Variants in TRPM2 observed in about 807,000 individuals in gnomAD.
TRPM2 encodes estrogen-responsive element-associated gene 1 protein.
Under a neutral mutation model 174.0 loss-of-function variants are expected in TRPM2, and 161 were observed. The observed-to-expected ratio is 0.93, with a 90% CI of 0.81 to 1.05. The LOEUF (loss-of-function observed/expected upper bound fraction) is 1.05. Among genes scored for constraint, TRPM2 ranks in the 50% least tolerant of loss-of-function variants. The probability of loss-of-function intolerance (pLI) is 0.00; values close to 1 mark genes in which losing one functional copy is unlikely to be tolerated. For missense variants in TRPM2, 2,057 were observed against 2,038.0 expected, an observed-to-expected ratio of 1.01 and a Z score of -0.18; for synonymous variants, 954 against 861.3, an observed-to-expected ratio of 1.11 and a Z score of -1.88.
chr21:44,437,932 C>T lies in TRPM2; in HGVS notation c.4167+765C>T, dbSNP rs547536455. Among the ~76,000 whole-genome samples the T allele has an allele frequency of 1.5e-4, 23 of 152,372 alleles. No individual in the cohort carries two copies. In the South Asian group the frequency reaches 4.8e-3, roughly 32 times the overall value. ...GTACAGCCTGCCCCGCAGGGCCTCT[C>T]CTCTGCACCTGATCCGGGGAGTCTG... On this transcript the variant is annotated intron_variant, in intron 29 of 31. Coordinates refer to ENST00000397928, the MANE Select transcript of TRPM2 (RefSeq NM_003307.4).
intron 9 of TRPM2, among the ~76,000 whole-genome samples, chr21:44,388,016 A>G (rs946950100): frequency 6.6e-6 from 1 of 152,166 alleles, no homozygotes; most frequent in Admixed American, 6.5e-5. Flanking sequence ...TACAATTCCT[A>G]TATGATCCAG....
chr21:44,429,656 T>C (rs547599331), intron 27 of TRPM2, among the ~76,000 whole-genome samples: 5 of 152,322 alleles, frequency 3.3e-5, no homozygotes, highest in African/African-American at 1.2e-4. Context: ...GTTTGCTGAC[T>C]TTGTATCTAA....
intron 19 of TRPM2, among the ~76,000 whole-genome samples, chr21:44,409,806 A>G (rs2050034304): frequency 7.0e-6 from 1 of 142,844 alleles, no homozygotes; most frequent in Non-Finnish European, 1.5e-5. Flanking sequence ...GCCTTGTAGT[A>G]AGTTTTGACC....
Position 44,354,527 on chromosome 21 carries a change from A to G in TRPM2, c.166-121A>G, listed in dbSNP as rs9978973. On this transcript the variant is annotated intron_variant, in intron 1 of 31. Coordinates refer to ENST00000397928, the MANE Select transcript of TRPM2 (RefSeq NM_003307.4). The surrounding 1 kb of genome is among the most constrained non-coding windows in gnomAD (Gnocchi z 4.3). The stretch of plus-strand genomic sequence containing the variant: ...TCTAATCTTTGGCTCAGGGTCGCGC[A>G]GGCTTCCTTCCTTCAAGCAAATAGT... The G allele has an allele frequency of 6.8e-3, 5,581 of 826,348 alleles. 217 individuals are homozygous for G. The African/African-American group carries it at 0.083, about 12-fold the overall frequency. 51.2% of individuals were successfully genotyped at this position (826,348 alleles called of 1,614,324 possible).
intron 19 of TRPM2, among the ~76,000 whole-genome samples, chr21:44,410,948 G>C (rs2050089508): frequency 6.7e-6 from 1 of 149,480 alleles, no homozygotes; most frequent in Non-Finnish European, 1.5e-5. Flanking sequence ...CACTGTCTTG[G>C]TGAGCGTAGC....
intron 2 of TRPM2, among the ~76,000 whole-genome samples, chr21:44,359,717 C>CTG (rs2048157271): frequency 6.7e-6 from 1 of 149,786 alleles, no homozygotes; most frequent in African/African-American, 2.5e-5. Context: ...CCTGTCTCAT[C>CTG]TGTGTATATA....
intron 6 of TRPM2, 24 bp from the exon 7 acceptor site, chr21:44,377,688 C>A: frequency 6.2e-7 from 1 of 1,613,908 alleles, no homozygotes. Context: ...GTGTGGCCCT[C>A]ACTCGGCTGT....
chr21:44,423,522 A>C (rs1164042925), intron 22 of TRPM2, 123 bp from the exon 23 acceptor site: 2 of 781,768 alleles, frequency 2.6e-6, no homozygotes, highest in Non-Finnish European at 4.3e-6. Flanking sequence ...TCATATTAAG[A>C]GGAAGCAAAG....
At chr21:44,379,474 A>G (rs994788092) in intron 8 of TRPM2, among the ~76,000 whole-genome samples, 28 of 152,196 alleles carry the variant, frequency 1.8e-4, no homozygotes, top group African/African-American at 6.8e-4. Flanking sequence ...TGGTGCTGTG[A>G]AAAGGGTCTG....
At chr21:44,402,054 G>A (rs2049638159) in intron 16 of TRPM2, among the ~76,000 whole-genome samples, 157 bp downstream of exon 16, 1 of 152,078 alleles carries the variant, frequency 6.6e-6, no homozygotes, top group Admixed American at 6.6e-5. Context: ...TGGGTGGCTG[G>A]GGCGCTGCCC....
At chr21:44,401,577 C>A in intron 15 of TRPM2, 104 bp from the exon 16 acceptor site, 2 of 1,221,238 alleles carry the variant, frequency 1.6e-6, no homozygotes, top group Non-Finnish European at 2.3e-6. Context: ...TCTAAAAGCA[C>A]ATCTCTCTGA....
chr21:44,419,588 G>A (rs77626937), intron 22 of TRPM2, among the ~76,000 whole-genome samples: 1 of 396 alleles, frequency 2.5e-3, no homozygotes, highest in Non-Finnish European at 8.2e-3. Flanking sequence ...GGTAGTGGTG[G>A]TAGTGGTGAT....
At chr21:44,400,167 C>T (rs2049566849) in intron 14 of TRPM2, 92 bp from the exon 15 acceptor site, 2 of 1,080,022 alleles carry the variant, frequency 1.9e-6, no homozygotes, top group East Asian at 4.9e-5. Flanking sequence ...GCTCTGTCCA[C>T]TAGGCACCCC....
In TRPM2 at chr21:44,441,762, C is replaced by A; in HGVS notation, c.4457C>A (p.Ala1486Glu). Residue 1486 changes from alanine (A) to glutamate (E), a missense_variant, in exon 32 of 32, where the codon GCG becomes GAG. Coordinates refer to ENST00000397928, the MANE Select transcript of TRPM2 (RefSeq NM_003307.4). ...QVVDRRIPLYANHKTLLQKAA... is the reference protein window; with the variant it reads ...QVVDRRIPLYENHKTLLQKAA... ...GTGGACAGGCGCATCCCACTCTATG[C>A]GAACCACAAGACCCTCCTCCAGAAG... 2.5e-6 allele frequency: 4 copies of A among 1,611,842 alleles called. No individual in the cohort carries two copies. Among genetic ancestry groups the A allele is most frequent in the Non-Finnish European group, 3.4e-6 (4 of 1,179,044 alleles).
Position 44,391,494 on chromosome 21 carries a change from C to G in TRPM2, c.1663C>G (p.Arg555Gly). The change falls in exon 11 of 32, where the codon CGC becomes GGC. Residue 555 changes from arginine (R) to glycine (G), a missense_variant. Physicochemically the swap from Arg to Gly is moderately radical, Grantham distance 125. Coordinates refer to ENST00000397928, the MANE Select transcript of TRPM2 (RefSeq NM_003307.4). The surrounding 1 kb of genome is among the most constrained non-coding windows in gnomAD (Gnocchi z 5.0). ...ERPACAPAAP[R>G]LQMHHVAQVL... is the part of the protein sequence containing the mutation. Reference sequence around the variant, plus strand: ...CCCGGCTTGCGCGCCCGCGGCGCCCCGCCTGCAGATGCACCACGTGGCCCA... The same window carrying G: ...CCCGGCTTGCGCGCCCGCGGCGCCCGGCCTGCAGATGCACCACGTGGCCCA... 2 of 1,611,006 alleles carry G rather than the reference C, an allele frequency of 1.2e-6. No homozygotes were observed. Among genetic ancestry groups the G allele is most frequent in the Non-Finnish European group, 1.7e-6 (2 of 1,179,396 alleles).
rs1441486382 is a variant in TRPM2 at position 44,391,198 on chromosome 21, CCAGGGT to C, written c.1441-72_1441-67del. On this transcript the variant is annotated intron_variant, in intron 10 of 31. Coordinates refer to ENST00000397928, the MANE Select transcript of TRPM2 (RefSeq NM_003307.4). The surrounding 1 kb of genome is among the most constrained non-coding windows in gnomAD (Gnocchi z 5.0). ...TTGGGGACAACAGCAGCCCCCATCT[CCAGGGT>C]CTTTGAGATCAGGATGACATGGGGT... 2.6e-6 allele frequency: 4 copies of C among 1,541,880 alleles called. No homozygotes were observed. The African/African-American group carries it at 5.4e-5, about 21-fold the overall frequency.
intron 19 of TRPM2, among the ~76,000 whole-genome samples, chr21:44,409,645 GTAGTAAGTTTTGACT>G: frequency 2.1e-5 from 3 of 145,466 alleles, no homozygotes; most frequent in African/African-American, 7.8e-5. Flanking sequence ...GCGTAGCCTT[GTAGTAAGTTTTGACT>G]GCACTGTCTT....
intron 28 of TRPM2, 121 bp downstream of exon 28, chr21:44,435,338 G>A: frequency 2.9e-6 from 3 of 1,026,840 alleles, no homozygotes; most frequent in East Asian, 2.7e-5. Flanking sequence ...CTTGGCACTT[G>A]GTGCCTACTG....
At chr21:44,423,620 C>G in intron 22 of TRPM2, 25 bp from the exon 23 acceptor site, 1 of 1,602,476 alleles carries the variant, frequency 6.2e-7, no homozygotes, top group Non-Finnish European at 8.5e-7. Context: ...TGGTGTGCGT[C>G]CAGCTCAGCT....
Sources: allele counts gnomAD v4.1 joint callset (sites outside exome capture counted in the v4.1 genomes callset), GRCh38; gene constraint gnomAD v4.1.1; non-coding constraint Gnocchi (gnomAD v3.1); transcripts MANE v1.5; gene names NCBI Gene and HGNC (gene_info 2026-07-23, HGNC 2026-07-21).